ANKRD31: variants seen among roughly 807,000 people sequenced by gnomAD.
ANKRD31 encodes the protein ankyrin repeat domain 31.
A neutral mutation model predicts 186.0 loss-of-function variants in ANKRD31; 147 were observed. The observed-to-expected ratio is 0.79, with a 90% CI of 0.69 to 0.91. The LOEUF is 0.91. Among genes scored for constraint, ANKRD31 ranks in the 40% least tolerant of loss-of-function variants. The pLI is 0.00. For missense variants in ANKRD31, 1,986 were observed against 2,148.8 expected, an observed-to-expected ratio of 0.92 and a Z score of 1.50; for synonymous variants, 673 against 736.4, an observed-to-expected ratio of 0.91 and a Z score of 1.39.
chr5:75,175,018 G>T (rs1287078068), intron 10 of ANKRD31, among the ~76,000 whole-genome samples: 1 of 152,150 alleles, frequency 6.6e-6, no homozygotes, highest in African/African-American at 2.4e-5. Context: ...AGAAAATGTG[G>T]CACATATACA....
intron 9 of ANKRD31, among the ~76,000 whole-genome samples, chr5:75,191,197 T>C (rs1345689299): frequency 6.6e-6 from 1 of 152,138 alleles, no homozygotes; most frequent in Admixed American, 6.6e-5. Flanking sequence ...GTAAGGAATG[T>C]TATGGAAATC....
intron 20 of ANKRD31, among the ~76,000 whole-genome samples, chr5:75,110,707 C>CAAAAA (rs148815372): frequency 7.2e-6 from 1 of 139,322 alleles, no homozygotes; most frequent in Non-Finnish European, 1.6e-5. Flanking sequence ...AACTCCATCT[C>CAAAAA]AAAAAAAAAA....
chr5:75,169,073 G>T lies in ANKRD31; in HGVS notation c.1613C>A (p.Ala538Glu), dbSNP rs754195916. ...EASVGGFYRT[A>E]SELLKGGADV... ...TGCTCCACCTTTTAATAGTTCACTT[G>T]CTGTCCGATAAAATCCTCCTACACT... Residue 538 changes from alanine to glutamate, a missense_variant, in exon 11 of 26, where the codon GCA (alanine) becomes GAA (glutamate). Transcript: ENST00000506364. 1.8e-5 allele frequency: 27 copies of T among 1,536,944 alleles called. No homozygotes were observed. The highest frequency in any genetic ancestry group is 1.9e-5 in the Non-Finnish European group (22 of 1,146,588).
Position 75,095,904 on chromosome 5 carries a change from G to T in ANKRD31, c.5332-4503C>A, listed in dbSNP as rs113829411. Among the ~76,000 whole-genome samples the T allele has an allele frequency of 3.0e-3, 457 of 152,154 alleles. 3 individuals carry two copies. The highest frequency in any genetic ancestry group is 9.8e-3 in the African/African-American group (407 of 41,510). On this transcript the variant is annotated intron_variant, in intron 22 of 25. Transcript: ENST00000506364. Reference sequence around the variant, plus strand: ...TGGAACATAGCTCCTGCATATAAGGGGGCACTACTATATAGATCAAACAGG... The same window carrying T: ...TGGAACATAGCTCCTGCATATAAGGTGGCACTACTATATAGATCAAACAGG...
At chr5:75,175,451 C>G (rs1026391278) in intron 10 of ANKRD31, among the ~76,000 whole-genome samples, 2 of 151,804 alleles carry the variant, frequency 1.3e-5, no homozygotes, top group African/African-American at 4.8e-5. Context: ...CATGTTTAAT[C>G]GTGAAATATG....
At position 75,182,485 on chromosome 5, in the gene ANKRD31, G is replaced by A. The variant is rs77969853; in HGVS notation, c.1564+6008C>T. On this transcript the variant is annotated intron_variant, in intron 10 of 25. Coordinates refer to ENST00000506364, the MANE Select transcript of ANKRD31 (RefSeq NM_001372053.1). ...TATAATCCCAGCACTTTGGGAGGCC[G>A]AGAAAGGCAGATCACCTGAAGTCAG... Among the ~76,000 whole-genome samples, 16 of 152,156 alleles carry A rather than the reference G, an allele frequency of 1.1e-4. No homozygotes were observed. In the East Asian group the frequency reaches 2.5e-3, roughly 24 times the overall value.
chr5:75,182,254 T>C (rs1409486646), intron 10 of ANKRD31, among the ~76,000 whole-genome samples: 2 of 152,200 alleles, frequency 1.3e-5, no homozygotes, highest in African/African-American at 4.8e-5. Context: ...AATATGTACA[T>C]TGGTTAACTT....
rs1396858094 is a variant in ANKRD31, at chr5:75,146,654, C to T, written c.2757G>A (p.Leu919=). 1 of 1,536,132 alleles carries T rather than the reference C, an allele frequency of 6.5e-7. No individual in the cohort carries two copies. Among genetic ancestry groups the T allele is most frequent in the South Asian group, 1.2e-5 (1 of 84,000 alleles). ...SEKAITSKKV[L]CSTGGKKHYN... ...AGTGTTTTTTGCCACCTGTAGAACA[C>T]AACACCTTTTTAGATGTTATAGCCT... is the stretch of plus-strand genomic sequence containing the variant. Residue 919 remains leucine, a synonymous_variant, in exon 14 of 26, where the codon TTG becomes TTA. Transcript: ENST00000506364.
intron 22 of ANKRD31, among the ~76,000 whole-genome samples, chr5:75,101,660 G>C (rs188094955): frequency 2.0e-5 from 3 of 151,738 alleles, no homozygotes; most frequent in Non-Finnish European, 4.4e-5. Flanking sequence ...TTCTCCTCTC[G>C]CTTCATTTCA....
intron 2 of ANKRD31, among the ~76,000 whole-genome samples, chr5:75,226,090 G>A (rs1757608594): frequency 6.6e-6 from 1 of 152,230 alleles, no homozygotes; most frequent in Admixed American, 6.5e-5. Context: ...GAAACGGGAA[G>A]GAACGGTGGG....
intron 23 of ANKRD31, among the ~76,000 whole-genome samples, chr5:75,089,981 A>G (rs1745807015): frequency 6.6e-6 from 1 of 152,208 alleles, no homozygotes; most frequent in Non-Finnish European, 1.5e-5. Context: ...AAATGGAGTC[A>G]TTACCAGGCA....
intron 22 of ANKRD31, among the ~76,000 whole-genome samples, chr5:75,096,740 T>A (rs1417745900): frequency 6.6e-6 from 1 of 152,162 alleles, no homozygotes; most frequent in East Asian, 1.9e-4. Flanking sequence ...TGTATACATG[T>A]GCCATGTTGG....
Position 75,146,559 on chromosome 5 carries a change from T to C in ANKRD31, c.2852A>G (p.His951Arg), listed in dbSNP as rs1329564852. 2.0e-6 allele frequency: 3 copies of C among 1,536,450 alleles called. No homozygotes were observed. ...GFQQFLLSED[H>R]LSQENELKAV... ...TTTTAACTCATTTTCCTGTGAAAGA[T>C]GATCTTCAGAAAGTAAAAACTGTTG... The change falls in exon 14 of 26, where the codon CAT (histidine) becomes CGT (arginine). Residue 951 changes from histidine to arginine, a missense_variant. His to Arg is a conservative substitution (Grantham distance 29). Coordinates refer to ENST00000506364, the MANE Select transcript of ANKRD31 (RefSeq NM_001372053.1).
chr5:75,186,989 G>A (rs1378852857), intron 10 of ANKRD31, among the ~76,000 whole-genome samples: 1 of 151,374 alleles, frequency 6.6e-6, no homozygotes, highest in Non-Finnish European at 1.5e-5. Flanking sequence ...TCATATAGCT[G>A]AGAGAGTGAG....
intron 15 of ANKRD31, among the ~76,000 whole-genome samples, chr5:75,141,378 G>A (rs1751037414): frequency 6.6e-6 from 1 of 152,040 alleles, no homozygotes; most frequent in Non-Finnish European, 1.5e-5. Flanking sequence ...ATGAGAGACA[G>A]AGAATATATT....
In ANKRD31 at chr5:75,146,323, G is replaced by A; in HGVS notation, c.3088C>T (p.Leu1030=). The part of the protein sequence containing the change: ...EASKLTNHVE[L]FKKPQDYIPR... ...ATATAATCCTGTGGCTTTTTGAATA[G>A]CTCCACATGATTAGTCAACTTTGAA... Residue 1030 remains leucine, a synonymous_variant, in exon 14 of 26, where the codon CTA becomes TTA. Transcript: ENST00000506364. The A allele has an allele frequency of 6.5e-7, 1 of 1,536,442 alleles. No individual in the cohort carries two copies. Among genetic ancestry groups the A allele is most frequent in the Non-Finnish European group, 8.7e-7 (1 of 1,146,402 alleles).
intron 10 of ANKRD31, among the ~76,000 whole-genome samples, chr5:75,184,388 AC>A (rs1046275647): frequency 1.4e-4 from 21 of 152,174 alleles, no homozygotes; most frequent in African/African-American, 5.1e-4. Context: ...TAAAAAACAG[AC>A]AAATGAGATT....
At chr5:75,107,137 T>A (rs1180016028) in intron 21 of ANKRD31, among the ~76,000 whole-genome samples, 2 of 151,910 alleles carry the variant, frequency 1.3e-5, no homozygotes, top group Non-Finnish European at 2.9e-5. Flanking sequence ...ACAAAATTAA[T>A]CAACTGATTG....
intron 23 of ANKRD31, among the ~76,000 whole-genome samples, chr5:75,088,681 G>A (rs904223020): frequency 1.6e-4 from 25 of 152,112 alleles, no homozygotes; most frequent in Non-Finnish European, 4.4e-5. Context: ...GAATGTACAG[G>A]GAATCAGAAG....
Sources: gnomAD v4.1 joint callset for allele counts (sites outside exome capture counted in the v4.1 genomes callset) on GRCh38, gnomAD v4.1.1 for gene constraint, MANE v1.5 for transcripts, NCBI Gene and HGNC (gene_info 2026-07-23, HGNC 2026-07-21) for gene names.